TBL3: variants seen among roughly 807,000 people sequenced by gnomAD.
TBL3 encodes the protein transducin beta like 3.
Under a neutral mutation model 102.7 loss-of-function variants are expected in TBL3, and 71 were observed. The observed-to-expected ratio is 0.69, with a 90% CI of 0.57 to 0.84. The LOEUF is 0.84. TBL3 is among the 40% of genes least tolerant of loss of function. The pLI is 0.00. For synonymous variants in TBL3, 578 were observed against 477.7 expected (o/e 1.21, Z -2.74); for missense variants, 1,188 against 1,098.5 (o/e 1.08, Z -1.15).
intron 7 of TBL3, 39 bp downstream of exon 7, chr16:1,975,137 A>G (rs2083390008): frequency 2.5e-6 from 4 of 1,613,234 alleles, no homozygotes; most frequent in Non-Finnish European, 3.4e-6. Context: ...AGGCTTGGAA[A>G]GTGGGGGCTG....
At position 1,977,946 on chromosome 16, in the gene TBL3, C is replaced by G. The variant is rs756570810; in HGVS notation, c.1959-12C>G. On this transcript the variant is annotated splice_polypyrimidine_tract_variant and intron_variant, in intron 18 of 21. Coordinates refer to ENST00000568546, the MANE Select transcript of TBL3 (RefSeq NM_006453.3). The stretch of plus-strand genomic sequence containing the variant: ...CAGCGGCCCTCAGTGGCCTCTCCTC[C>G]CCTCCCCACAGGCAGCAAGAGCTGG... 6.3e-7 allele frequency: 1 copy of G among 1,591,768 alleles called. No homozygotes were observed. Among genetic ancestry groups the G allele is most frequent in the African/African-American group, 1.3e-5 (1 of 74,668 alleles).
rs776820841 is a variant in TBL3 at position 1,977,578 on chromosome 16, G to A, written c.1807G>A (p.Ala603Thr). 1.4e-4 allele frequency: 224 copies of A among 1,581,680 alleles called. 1 individual carries two copies. The highest frequency in any genetic ancestry group is 1.7e-4 in the Non-Finnish European group (198 of 1,162,976). ...KNNECVRTLD[A>T]HEDKVWGLHC... ...CAACGAGTGTGTGCGGACGCTGGAT[G>A]CCCACGAGGACAAGGTCTGGGGGCT... The change falls in exon 17 of 22, where the codon GCC (alanine) becomes ACC (threonine). Residue 603 changes from alanine to threonine, a missense_variant. Physicochemically the swap from Ala to Thr is moderately conservative, Grantham distance 58. Coordinates refer to ENST00000568546, the MANE Select transcript of TBL3 (RefSeq NM_006453.3).
chr16:1,973,184 G>T (rs1424290078), intron 1 of TBL3, among the ~76,000 whole-genome samples: 1 of 152,210 alleles, frequency 6.6e-6, no homozygotes, highest in African/African-American at 2.4e-5. Context: ...GCTCACGCCT[G>T]TAATCCCAGC....
In TBL3 at chr16:1,975,232, C is replaced by T; in HGVS notation, c.681C>T (p.Cys227=). The T allele has an allele frequency of 6.2e-7, 1 of 1,613,920 alleles. No individual in the cohort carries two copies. The highest frequency in any genetic ancestry group is 8.5e-7 in the Non-Finnish European group (1 of 1,180,010). ...GTATCATCTGGGACCTTCAGAGCTG[C>T]CAGGCCACGAGGACCGTGCCTGTGT... ...KICIIWDLQS[C]QATRTVPVFE... Residue 227 remains cysteine, a synonymous_variant, in exon 8 of 22, where the codon TGC becomes TGT. Transcript: ENST00000568546.
chr16:1,979,601 A>G lies in TBL3; in HGVS notation c.*916A>G. On this transcript the variant is annotated 3_prime_UTR_variant, in exon 22 of 22. Coordinates refer to ENST00000568546, the MANE Select transcript of TBL3 (RefSeq NM_006453.3). ...GCCACAGAGGACGAGGCCCGCCCGC[A>G]CCCTTCTCCACATTCTCCTTGCTTG... is the stretch of plus-strand genomic sequence containing the variant. 1 of 1,435,242 alleles carries G rather than the reference A, an allele frequency of 7.0e-7. No homozygotes were observed. Among genetic ancestry groups the G allele is most frequent in the Middle Eastern group, 1.8e-4 (1 of 5,634 alleles). 88.9% of individuals were successfully genotyped at this position (1,435,242 alleles called of 1,614,324 possible).
chr16:1,980,894 G>T lies in TBL3; in HGVS notation c.*2209G>T. 6.4e-7 allele frequency: 1 copy of T among 1,555,282 alleles called. No individual in the cohort carries two copies. ...GCAGTCCAGTGGGAGGCAGCCGCGT[G>T]GGGAAGCCGCCACCGCGGCATCAGG... On this transcript the variant is annotated 3_prime_UTR_variant, in exon 22 of 22. Coordinates refer to ENST00000568546, the MANE Select transcript of TBL3 (RefSeq NM_006453.3).
In TBL3 at chr16:1,975,361, T is replaced by C. The variant is rs940605833; in HGVS notation, c.728T>C (p.Val243Ala). 5.0e-6 allele frequency: 8 copies of C among 1,613,890 alleles called. No homozygotes were observed. Among genetic ancestry groups the C allele is most frequent in the Non-Finnish European group, 6.8e-6 (8 of 1,180,014 alleles). ...VPVFESVEAA[V>A]LLPEEPVSQL... ...CGTCTCCAGAGCGTGGAGGCTGCTG[T>C]GCTGTTGCCAGAGGAGCCAGTGTCC... Residue 243 changes from valine (V) to alanine (A), a missense_variant, in exon 9 of 22, where the codon GTG (valine) becomes GCG (alanine). By Grantham distance (64) the Val-to-Ala change is moderately conservative (BLOSUM62 0). Coordinates refer to ENST00000568546, the MANE Select transcript of TBL3 (RefSeq NM_006453.3).
rs1006831129 is a variant in TBL3 at position 1,976,047 on chromosome 16, A to T, written c.1130-9A>T. On this transcript the variant is annotated splice_polypyrimidine_tract_variant and intron_variant, in intron 11 of 21. Transcript: ENST00000568546. ...GCTGTGTGACCTATACCTCCCCACA[A>T]CATCTCAGATATCGTCCTGGCCCTG... 1 of 1,614,108 alleles carries T rather than the reference A, an allele frequency of 6.2e-7. No individual in the cohort carries two copies. Among genetic ancestry groups the T allele is most frequent in the Non-Finnish European group, 8.5e-7 (1 of 1,180,010 alleles).
At chr16:1,974,903 C>T (rs753778424) in intron 6 of TBL3, 25 bp from the exon 7 acceptor site, 2 of 1,612,218 alleles carry the variant, frequency 1.2e-6, no homozygotes, top group Non-Finnish European at 8.5e-7. Context: ...GCACAGCTCA[C>T]CCATCCTGTC....
At position 1,979,144 on chromosome 16, in the gene TBL3, C is replaced by T. The variant is rs757511336; in HGVS notation, c.*459C>T. ...CGCCGCTCCAGGGCCCTGCGTGTGACGGTGCAGCAGCGGCTCTGGATGGCG... is the reference window on the plus strand; with the variant it reads ...CGCCGCTCCAGGGCCCTGCGTGTGATGGTGCAGCAGCGGCTCTGGATGGCG... On this transcript the variant is annotated 3_prime_UTR_variant, in exon 22 of 22. Coordinates refer to ENST00000568546, the MANE Select transcript of TBL3 (RefSeq NM_006453.3). 26 of 1,466,958 alleles carry T rather than the reference C, an allele frequency of 1.8e-5. No homozygotes were observed. The Admixed American group carries it at 3.7e-4, about 21-fold the overall frequency. 90.9% of individuals were successfully genotyped at this position (1,466,958 alleles called of 1,614,324 possible).
Position 1,977,727 on chromosome 16 carries a change from C to G in TBL3, c.1900-15C>G, listed in dbSNP as rs764379242. On this transcript the variant is annotated splice_polypyrimidine_tract_variant and intron_variant, in intron 17 of 21. Coordinates refer to ENST00000568546, the MANE Select transcript of TBL3 (RefSeq NM_006453.3). ...GGTGGAGTGGAGGCCCCATCTGACC[C>G]TAGTCTAACCCCAGGATGTGACCGA... 5.2e-6 allele frequency: 8 copies of G among 1,552,444 alleles called. No homozygotes were observed. In the Middle Eastern group the frequency reaches 6.7e-4, roughly 129 times the overall value.
At position 1,978,632 on chromosome 16, in the gene TBL3, G is replaced by C. The variant is rs139314434; in HGVS notation, c.2374G>C (p.Val792Leu). Residue 792 changes from valine (V) to leucine (L), a missense_variant, in exon 22 of 22, where the codon GTG becomes CTG. Transcript: ENST00000568546. The stretch of plus-strand genomic sequence containing the variant: ...CCTGTGGCACAACATGAAGCTCCCT[G>C]TGCCGGCCGCCGCCCCCACCCCCTG... ...DFLWHNMKLP[V>L]PAAAPTPWET... 1 of 1,612,620 alleles carries C rather than the reference G, an allele frequency of 6.2e-7. No homozygotes were observed.
At chr16:1,974,166 T>G in intron 2 of TBL3, 31 bp from the exon 3 acceptor site, 1 of 1,562,286 alleles carries the variant, frequency 6.4e-7, no homozygotes, top group Non-Finnish European at 8.7e-7. Flanking sequence ...GGGTGCTGAA[T>G]GTTGCCTGGC....
rs532023646 is a variant in TBL3 at position 1,979,164 on chromosome 16, A to C, written c.*479A>C. On this transcript the variant is annotated 3_prime_UTR_variant, in exon 22 of 22. Coordinates refer to ENST00000568546, the MANE Select transcript of TBL3 (RefSeq NM_006453.3). ...TGTGACGGTGCAGCAGCGGCTCTGG[A>C]TGGCGCCCGGCGAAGGTCGGGTGGG... 1 of 1,428,044 alleles carries C rather than the reference A, an allele frequency of 7.0e-7. No homozygotes were observed. The highest frequency in any genetic ancestry group is 2.8e-5 in the East Asian group (1 of 35,718). The allele number at this position is 1,428,044 out of a possible 1,614,324, so 88.5% of individuals were successfully genotyped here. A position where few individuals can be genotyped will look rare whatever the true frequency, so the allele number is the denominator to read the frequency against.
rs200817549 is a variant in TBL3, at chr16:1,978,150, C to T, written c.2064C>T (p.Ala688=). The T allele has an allele frequency of 2.4e-5, 38 of 1,612,602 alleles. No homozygotes were observed. The highest frequency in any genetic ancestry group is 3.1e-5 in the Non-Finnish European group (37 of 1,179,846). ...GCTCAGCCTTCCCTTCTCCCACAGC[C>T]ATCCGGAGGGACCCTGAGGCCTGCG... The part of the protein sequence containing the change: ...RPHTVLTVIQ[A]IRRDPEACEK... The change falls in exon 20 of 22, where the codon GCC becomes GCT. Residue 688 remains alanine, a splice_region_variant and synonymous_variant. Transcript: ENST00000568546.
rs150460057 is a variant in TBL3, at chr16:1,980,457, G to T, written c.*1772G>T. 2 of 1,601,902 alleles carry T rather than the reference G, an allele frequency of 1.2e-6. No individual in the cohort carries two copies. Among genetic ancestry groups the T allele is most frequent in the Non-Finnish European group, 1.7e-6 (2 of 1,179,838 alleles). On this transcript the variant is annotated 3_prime_UTR_variant, in exon 22 of 22. Coordinates refer to ENST00000568546, the MANE Select transcript of TBL3 (RefSeq NM_006453.3). ...GCTCCGTGCCACGCGCTCTGCAGTC[G>T]CCAGCAGCCTCCGAGAATAGGTTTC...
rs367677968 is a variant in TBL3 at position 1,978,143 on chromosome 16, C to T, written c.2063-6C>T. 11 of 1,612,624 alleles carry T rather than the reference C, an allele frequency of 6.8e-6. No homozygotes were observed. The highest frequency in any genetic ancestry group is 1.6e-4 in the Middle Eastern group (1 of 6,062). The stretch of plus-strand genomic sequence containing the variant: ...TTCCCCAGCTCAGCCTTCCCTTCTC[C>T]CACAGCCATCCGGAGGGACCCTGAG... On this transcript the variant is annotated splice_region_variant and splice_polypyrimidine_tract_variant and intron_variant, in intron 19 of 21. Transcript: ENST00000568546.
rs747961625 is a variant in TBL3 at position 1,980,653 on chromosome 16, G to A, written c.*1968G>A. 1 of 1,604,660 alleles carries A rather than the reference G, an allele frequency of 6.2e-7. No individual in the cohort carries two copies. Among genetic ancestry groups the A allele is most frequent in the Non-Finnish European group, 8.5e-7 (1 of 1,175,754 alleles). The stretch of plus-strand genomic sequence containing the variant: ...CCCGCTCCCGTACCCAGGCTGGCCT[G>A]ACCGAGAAGCTTTGGGAGAACGCGG... On this transcript the variant is annotated 3_prime_UTR_variant, in exon 22 of 22. Transcript: ENST00000568546.
rs17602 is a variant in TBL3, at chr16:1,975,677, C to A, written c.954C>A (p.Leu318=). 201,004 of 1,610,228 alleles carry A rather than the reference C, an allele frequency of 0.12. 14,513 individuals are homozygous for A. The highest frequency in any genetic ancestry group is 0.25 in the South Asian group (22,540 of 91,024). ...LTATADHNLL[L]YEARSLRLQK... is the part of the protein sequence containing the mutation. ...CCACCGCCGACCACAACCTGTTGCT[C>A]TACGAGGCTCGCTCCCTGCGGCTGC... The change falls in exon 10 of 22, where the codon CTC becomes CTA. Residue 318 remains leucine, a synonymous_variant. Transcript: ENST00000568546.
Sources: gnomAD v4.1 joint callset for allele counts (sites outside exome capture counted in the v4.1 genomes callset) on GRCh38, gnomAD v4.1.1 for gene constraint, MANE v1.5 for transcripts, NCBI Gene and HGNC (gene_info 2026-07-23, HGNC 2026-07-21) for gene names.